PTPRG: variants seen among roughly 807,000 people sequenced by gnomAD.
PTPRG encodes protein tyrosine phosphatase receptor type G, also known as receptor-type tyrosine-protein phosphatase gamma.
PTPRG carries 102 observed loss-of-function variants against 165.3 expected under a neutral mutation model. The ratio of observed to expected loss-of-function variants is 0.62; its 90% CI spans 0.53 to 0.73. The LOEUF (loss-of-function observed/expected upper bound fraction) is 0.73. Among genes scored for constraint, PTPRG ranks in the 30% least tolerant of loss-of-function variants. The pLI is 0.00. For synonymous variants in PTPRG, 675 were observed against 669.5 expected (o/e 1.01, Z -0.13); for missense variants, 1,866 against 1,861.4 (o/e 1.00, Z -0.05).
chr3:62,215,258 G>C (rs1700468315), intron 12 of PTPRG, among the ~76,000 whole-genome samples: 2 of 152,174 alleles, frequency 1.3e-5, no homozygotes, highest in South Asian at 4.2e-4. Flanking sequence ...CAGGTTCCTG[G>C]CACCAGGAAG....
intron 1 of PTPRG, among the ~76,000 whole-genome samples, chr3:61,715,798 G>A (rs1041781411): frequency 1.3e-5 from 2 of 151,878 alleles, no homozygotes; most frequent in Non-Finnish European, 2.9e-5. Context: ...ATGATCACAC[G>A]CCTCTGTGGT....
intron 2 of PTPRG, among the ~76,000 whole-genome samples, chr3:61,860,726 G>A (rs1240450445): frequency 1.3e-5 from 2 of 152,128 alleles, no homozygotes; most frequent in African/African-American, 4.8e-5. Context: ...TTACAGGTGT[G>A]AGCCACTGCG....
At chr3:61,671,922 A>G (rs1703010391) in intron 1 of PTPRG, among the ~76,000 whole-genome samples, 1 of 138,778 alleles carries the variant, frequency 7.2e-6, no homozygotes, top group East Asian at 2.3e-4. Context: ...TCCCTCCCGG[A>G]CGAGGTGGCT....
chr3:61,852,419 A>G (rs2036988408), intron 2 of PTPRG, among the ~76,000 whole-genome samples: 1 of 152,236 alleles, frequency 6.6e-6, no homozygotes, highest in African/African-American at 2.4e-5. Context: ...CAATTCACAA[A>G]TGGAATTTTA....
intron 2 of PTPRG, among the ~76,000 whole-genome samples, chr3:61,849,250 A>T (rs775473606): frequency 2.0e-5 from 3 of 152,252 alleles, no homozygotes; most frequent in Non-Finnish European, 4.4e-5. Context: ...AACATTCTTC[A>T]TAAAACCATG....
intron 4 of PTPRG, among the ~76,000 whole-genome samples, chr3:62,010,255 A>G (rs1421294210): frequency 1.3e-5 from 2 of 152,052 alleles, no homozygotes; most frequent in African/African-American, 2.4e-5. Context: ...TTTCTTGAAG[A>G]TTTATTTGTA....
intron 5 of PTPRG, among the ~76,000 whole-genome samples, chr3:62,117,038 G>A (rs1325282604): frequency 6.6e-6 from 1 of 152,132 alleles, no homozygotes; most frequent in Non-Finnish European, 1.5e-5. Flanking sequence ...ATTCACTAGA[G>A]AGCTCTTCAG....
chr3:61,896,579 A>G (rs919157240), intron 2 of PTPRG, among the ~76,000 whole-genome samples: 8 of 152,178 alleles, frequency 5.3e-5, no homozygotes, highest in Non-Finnish European at 7.4e-5. Flanking sequence ...CAAGAGTCCA[A>G]TTGCTGGGTT....
rs946391768 is a variant in PTPRG at position 62,273,189 on chromosome 3, T to C, written c.3318+108T>C. On this transcript the variant is annotated intron_variant, in intron 22 of 29. Transcript: ENST00000474889. This position sits in a 1 kb window ranked among gnomAD's most constrained non-coding sequence, Gnocchi z 4.1. ...TTCATTCTTTTAGGGCTTGCAGTAATTTACAGGTTTGTATTAGAAGATATT... is the reference window on the plus strand; with the variant it reads ...TTCATTCTTTTAGGGCTTGCAGTAACTTACAGGTTTGTATTAGAAGATATT... The C allele has an allele frequency of 1.8e-5, 23 of 1,247,116 alleles. No homozygotes were observed. The highest frequency in any genetic ancestry group is 2.5e-5 in the Non-Finnish European group (23 of 922,800). The allele number at this position is 1,247,116 out of a possible 1,614,324, so 77.3% of individuals were successfully genotyped here.
At chr3:61,898,522 T>G (rs1168227015) in intron 2 of PTPRG, among the ~76,000 whole-genome samples, 1 of 152,216 alleles carries the variant, frequency 6.6e-6, no homozygotes, top group Admixed American at 6.5e-5. Context: ...TGAAGCAGGT[T>G]CTATTAGATG....
At chr3:62,283,158 A>G (rs1180480740) in intron 28 of PTPRG, among the ~76,000 whole-genome samples, 1 of 152,154 alleles carries the variant, frequency 6.6e-6, no homozygotes, top group Non-Finnish European at 1.5e-5. Context: ...TAGAGGTGTT[A>G]TGTGTTAGTA....
chr3:62,067,111 C>T (rs568949568), intron 4 of PTPRG, among the ~76,000 whole-genome samples: 19 of 151,880 alleles, frequency 1.3e-4, no homozygotes, highest in African/African-American at 4.3e-4. Context: ...TTGATCCTCC[C>T]CCTCAAGGTT....
At chr3:61,789,031 T>G (rs936984820) in intron 2 of PTPRG, among the ~76,000 whole-genome samples, 1 of 152,212 alleles carries the variant, frequency 6.6e-6, no homozygotes. Context: ...TTCTTACATT[T>G]AATTTAACAA....
intron 2 of PTPRG, among the ~76,000 whole-genome samples, chr3:61,903,690 T>G (rs1014224450): frequency 6.6e-6 from 1 of 152,204 alleles, no homozygotes; most frequent in African/African-American, 2.4e-5. Context: ...GTTATTGGCT[T>G]CTTAAGGAAG....
chr3:61,732,780 G>A (rs141254165), intron 1 of PTPRG, among the ~76,000 whole-genome samples: 1 of 152,188 alleles, frequency 6.6e-6, no homozygotes, highest in African/African-American at 2.4e-5. Flanking sequence ...AGCTAGGGGC[G>A]ACAGTGTCGG....
chr3:62,044,550 G>GA (rs1205992315), intron 4 of PTPRG, among the ~76,000 whole-genome samples: 1 of 151,012 alleles, frequency 6.6e-6, no homozygotes, highest in South Asian at 2.1e-4. Flanking sequence ...AAAAAAAAAG[G>GA]AAAAAAAATG....
intron 2 of PTPRG, among the ~76,000 whole-genome samples, chr3:61,888,942 G>C (rs1212198851): frequency 6.6e-6 from 1 of 152,124 alleles, no homozygotes; most frequent in Non-Finnish European, 1.5e-5. Flanking sequence ...ATACTTCTTT[G>C]TGATTTGATT....
intron 2 of PTPRG, among the ~76,000 whole-genome samples, chr3:61,794,131 C>T (rs1405014880): frequency 6.6e-6 from 1 of 152,118 alleles, no homozygotes; most frequent in Non-Finnish European, 1.5e-5. Context: ...TGCATGAATG[C>T]TTTTATCTAA....
At chr3:62,122,929 T>C (rs1332316396) in intron 5 of PTPRG, among the ~76,000 whole-genome samples, 1 of 152,144 alleles carries the variant, frequency 6.6e-6, no homozygotes. Context: ...ACCTGTCTTG[T>C]GGGAGCTAGA....
Sources: allele counts gnomAD v4.1 joint callset (sites outside exome capture counted in the v4.1 genomes callset), GRCh38; gene constraint gnomAD v4.1.1; non-coding constraint Gnocchi (gnomAD v3.1); transcripts MANE v1.5; gene names NCBI Gene and HGNC (gene_info 2026-07-23, HGNC 2026-07-21).